Variants in PTPRQ observed in about 807,000 individuals in gnomAD.
The protein encoded by PTPRQ is phosphatidylinositol phosphatase PTPRQ.
In PTPRQ, 199 loss-of-function variants were observed where a neutral mutation model predicts 246.0. The observed-to-expected ratio is 0.81, with a 90% confidence interval of 0.72 to 0.91. The LOEUF (loss-of-function observed/expected upper bound fraction) is 0.91. Ranked by LOEUF, PTPRQ falls within the 40% of genes least tolerant of loss-of-function variation. The pLI, the probability that PTPRQ is intolerant of heterozygous loss-of-function variation, is 0.00. For synonymous variants in PTPRQ, 869 were observed against 853.2 expected (o/e 1.02, Z -0.32); for missense variants, 2,624 against 2,528.4 (o/e 1.04, Z -0.81).
intron 8 of PTPRQ, among the ~76,000 whole-genome samples, chr12:80,478,847 G>A (rs1187380473): frequency 2.6e-5 from 4 of 152,100 alleles, no homozygotes; most frequent in Non-Finnish European, 4.4e-5. Context: ...AAAGAAATGA[G>A]CAAAGCCTCC....
At position 80,508,375 on chromosome 12, in the gene PTPRQ, C is replaced by A. The variant is rs4129047; in HGVS notation, c.2557+1705C>A. Among the ~76,000 whole-genome samples the A allele has an allele frequency of 1.8e-4, 27 of 151,994 alleles. No individual in the cohort carries two copies. The East Asian group carries it at 4.4e-3, about 25-fold the overall frequency. On this transcript the variant is annotated intron_variant, in intron 16 of 44. Coordinates refer to ENST00000644991, the MANE Select transcript of PTPRQ (RefSeq NM_001145026.2). The stretch of plus-strand genomic sequence containing the variant: ...TTTTTAATTACTGGTATAAATGTTC[C>A]CCCAAATTATTCACCAGGACAAAAG...
chr12:80,618,360 T>TCACACACACACACACACA (rs3071377), intron 30 of PTPRQ, among the ~76,000 whole-genome samples: 1 of 125,534 alleles, frequency 8.0e-6, no homozygotes, highest in Non-Finnish European at 1.8e-5. Context: ...AGCACTACAT[T>TCACACACACACACACACA]CACACACACA....
intron 10 of PTPRQ, among the ~76,000 whole-genome samples, chr12:80,494,641 G>C (rs958611498): frequency 7.9e-5 from 12 of 151,852 alleles, no homozygotes; most frequent in African/African-American, 2.9e-4. Flanking sequence ...AAACACTAAT[G>C]TCATGTTTCA....
chr12:80,635,125 C>A (rs1899597525), intron 35 of PTPRQ, 52 bp downstream of exon 35: 1 of 1,533,428 alleles, frequency 6.5e-7, no homozygotes, highest in African/African-American at 1.4e-5. Flanking sequence ...GGAGCCATGA[C>A]CCTATTCTGA....
chr12:80,655,572 T>G (rs1211670261), intron 38 of PTPRQ, among the ~76,000 whole-genome samples: 1 of 143,870 alleles, frequency 7.0e-6, no homozygotes, highest in Non-Finnish European at 1.5e-5. Context: ...GTTCTCTCTG[T>G]CTCTCTCTCT....
chr12:80,563,376 C>A (rs149673524), intron 25 of PTPRQ, among the ~76,000 whole-genome samples: 299 of 151,884 alleles, frequency 2.0e-3, no homozygotes, highest in African/African-American at 6.8e-3. Flanking sequence ...CTCGTGAGGG[C>A]AGAGCCCTCA....
intron 17 of PTPRQ, among the ~76,000 whole-genome samples, chr12:80,513,550 G>A (rs1895187745): frequency 6.6e-6 from 1 of 152,106 alleles, no homozygotes; most frequent in South Asian, 2.1e-4. Context: ...GGGTGGTGTT[G>A]GGAAATGCAA....
intron 17 of PTPRQ, among the ~76,000 whole-genome samples, chr12:80,533,173 A>G (rs1895892220): frequency 6.6e-6 from 1 of 152,106 alleles, no homozygotes; most frequent in Admixed American, 6.5e-5. Context: ...ATAAAAAATA[A>G]TGCACATTTT....
chr12:80,657,097 AT>A (rs1278168960), intron 38 of PTPRQ, among the ~76,000 whole-genome samples: 1 of 151,876 alleles, frequency 6.6e-6, no homozygotes, highest in Non-Finnish European at 1.5e-5. Flanking sequence ...TCATGGACAA[AT>A]GACAAACTAA....
intron 8 of PTPRQ, among the ~76,000 whole-genome samples, chr12:80,481,175 C>A (rs1180020190): frequency 2.0e-5 from 3 of 152,126 alleles, no homozygotes; most frequent in African/African-American, 4.8e-5. Context: ...GCTTATCCAC[C>A]ATGATCAAGT....
chr12:80,591,878 G>T (rs777476046), intron 26 of PTPRQ, among the ~76,000 whole-genome samples: 1 of 152,096 alleles, frequency 6.6e-6, no homozygotes, highest in Non-Finnish European at 1.5e-5. Flanking sequence ...GCCACACTGA[G>T]CCAGGAAGTG....
chr12:80,663,789 A>T (rs1210794062), intron 39 of PTPRQ, among the ~76,000 whole-genome samples: 2 of 151,878 alleles, frequency 1.3e-5, no homozygotes, highest in Non-Finnish European at 2.9e-5. Flanking sequence ...ACCACCAAGA[A>T]TTGTAGCCTC....
rs964493732 is a variant in PTPRQ at position 80,634,816 on chromosome 12, C to T, written c.5787-129C>T. On this transcript the variant is annotated intron_variant, in intron 34 of 44. Transcript: ENST00000644991. Reference sequence around the variant, plus strand: ...AAGTCGAGTAGCTATAAATTTGCAACATATTCAGAGAGGTGATTTTAACAA... The same window carrying T: ...AAGTCGAGTAGCTATAAATTTGCAATATATTCAGAGAGGTGATTTTAACAA... The T allele has an allele frequency of 4.5e-6, 6 of 1,336,452 alleles. No individual in the cohort carries two copies. The African/African-American group carries it at 9.1e-5, about 20-fold the overall frequency. The allele number at this position is 1,336,452 out of a possible 1,614,324, so 82.8% of individuals were successfully genotyped here.
chr12:80,462,054 G>A (rs1248034861), intron 6 of PTPRQ: 2 of 698,540 alleles, frequency 2.9e-6, no homozygotes, highest in Admixed American at 2.0e-5. Flanking sequence ...GCCGAAGCAG[G>A]GCGAGGCATT....
chr12:80,444,602 T>C (rs1027149108), intron 1 of PTPRQ, 139 bp from the exon 2 acceptor site: 1 of 710,760 alleles, frequency 1.4e-6, no homozygotes, highest in Non-Finnish European at 2.4e-6. Flanking sequence ...CTTACAATAA[T>C]ATGGAACTTA....
intron 42 of PTPRQ, 79 bp downstream of exon 42, chr12:80,670,571 A>G: frequency 1.4e-6 from 2 of 1,397,736 alleles, no homozygotes; most frequent in South Asian, 3.6e-5. Context: ...TTTTTATAAA[A>G]TGTTCATGTA....
intron 3 of PTPRQ, among the ~76,000 whole-genome samples, chr12:80,449,923 G>C (rs551391794): frequency 9.7e-4 from 147 of 152,242 alleles, no homozygotes; most frequent in African/African-American, 3.3e-3. Flanking sequence ...AAAGTCATTG[G>C]TAGCTTGATG....
intron 7 of PTPRQ, among the ~76,000 whole-genome samples, chr12:80,471,842 G>C (rs1358007749): frequency 6.6e-6 from 1 of 151,810 alleles, no homozygotes; most frequent in Non-Finnish European, 1.5e-5. Context: ...AAAATAACCT[G>C]GTAATTCAAA....
chr12:80,577,506 A>G (rs563522732), intron 25 of PTPRQ, among the ~76,000 whole-genome samples: 1 of 152,304 alleles, frequency 6.6e-6, no homozygotes, highest in East Asian at 1.9e-4. Context: ...CTACAATTCA[A>G]GATGAGATTT....
Sources: allele counts gnomAD v4.1 joint callset (sites outside exome capture counted in the v4.1 genomes callset), GRCh38; gene constraint gnomAD v4.1.1; transcripts MANE v1.5; gene names NCBI Gene and HGNC (gene_info 2026-07-23, HGNC 2026-07-21).